Variants in CDC42BPA observed in about 807,000 individuals in gnomAD.
CDC42BPA encodes the protein CDC42 binding protein kinase alpha.
In CDC42BPA, 80 loss-of-function variants were observed where a neutral mutation model predicts 223.5. The ratio of observed to expected loss-of-function variants is 0.36; its 90% confidence interval spans 0.30 to 0.43. The LOEUF is 0.43. CDC42BPA is among the 20% of genes least tolerant of loss of function. The pLI is 1.00. For missense variants in CDC42BPA, 1,743 were observed against 2,099.9 expected (o/e 0.83, Z 3.32); for synonymous variants, 694 against 718.6 (o/e 0.97, Z 0.55).
At chr1:227,032,954 T>C (rs1669573790) in intron 27 of CDC42BPA, among the ~76,000 whole-genome samples, 1 of 152,254 alleles carries the variant, frequency 6.6e-6, no homozygotes, top group Non-Finnish European at 1.5e-5. Context: ...AGTTTTGGAA[T>C]GGCTGTTACA....
intron 27 of CDC42BPA, among the ~76,000 whole-genome samples, chr1:227,032,501 C>T (rs921550950): frequency 6.6e-6 from 1 of 152,044 alleles, no homozygotes; most frequent in Non-Finnish European, 1.5e-5. Context: ...TGGCAAGGGC[C>T]TCCAAAGACG....
rs16846779 is a variant in CDC42BPA, at chr1:226,994,973, G to A, written c.4983C>T (p.Ser1661=). 4.2e-3 allele frequency: 6,789 copies of A among 1,613,718 alleles called. 98 individuals are homozygous for A. The highest frequency in any genetic ancestry group is 0.037 in the East Asian group (1,678 of 44,866). ...TCTTTAATGCGCTGCCATTCTGTGC[G>A]GATGACCCTACAGTACATCATGCAG... ...SASSGLSARS[S]AQNGSALKRE... The change falls in exon 36 of 37, where the codon TCC becomes TCT. Residue 1661 remains serine, a synonymous_variant. Transcript: ENST00000366766. This position sits in a 1 kb window ranked among gnomAD's most constrained non-coding sequence, Gnocchi z 4.0.
chr1:227,238,348 A>AAAAC (rs111842198), intron 2 of CDC42BPA, among the ~76,000 whole-genome samples: 31,366 of 151,236 alleles, frequency 0.21, 3,637 homozygotes, highest in African/African-American at 0.28. Flanking sequence ...TCTCATTAAA[A>AAAAC]AAACAAACAA....
At chr1:227,089,696 A>G (rs11799444) in intron 16 of CDC42BPA, among the ~76,000 whole-genome samples, 41,669 of 147,948 alleles carry the variant, frequency 0.28, 6,055 homozygotes, top group African/African-American at 0.34. Context: ...GCTTCATTAC[A>G]TATACTAGGC....
intron 6 of CDC42BPA, among the ~76,000 whole-genome samples, chr1:227,153,633 C>A (rs1308092170): frequency 6.6e-6 from 1 of 151,814 alleles, no homozygotes; most frequent in Non-Finnish European, 1.5e-5. Context: ...CAATTGAAAA[C>A]TCAGAGAAAA....
chr1:227,033,771 T>C (rs1669746267), intron 26 of CDC42BPA, among the ~76,000 whole-genome samples: 1 of 152,186 alleles, frequency 6.6e-6, no homozygotes, highest in Admixed American at 6.5e-5. Flanking sequence ...ACCCAGCTCA[T>C]GTTATATTTT....
At chr1:227,218,004 T>C (rs1414425914) in intron 2 of CDC42BPA, among the ~76,000 whole-genome samples, 3 of 152,108 alleles carry the variant, frequency 2.0e-5, no homozygotes, top group Non-Finnish European at 4.4e-5. Context: ...GGGCAGGGAT[T>C]TTTTTTTCCT....
intron 6 of CDC42BPA, among the ~76,000 whole-genome samples, chr1:227,156,137 AT>A (rs1662717318): frequency 9.3e-5 from 7 of 75,074 alleles, no homozygotes; most frequent in Non-Finnish European, 1.4e-4. Flanking sequence ...TTTTGTTTTT[AT>A]TTATTTTTAT....
At chr1:227,180,534 T>C (rs1667759225) in intron 5 of CDC42BPA, 1 of 152,176 alleles carries the variant, frequency 6.6e-6, no homozygotes, top group African/African-American at 2.4e-5. Context: ...GTGTGCAACA[T>C]TGTTTAAATG....
At chr1:227,048,299 T>C (rs1044090799) in intron 22 of CDC42BPA, among the ~76,000 whole-genome samples, 1 of 151,984 alleles carries the variant, frequency 6.6e-6, no homozygotes, top group Non-Finnish European at 1.5e-5. Flanking sequence ...AAAAAAGCCA[T>C]AGCATGTGGC....
chr1:227,011,651 T>G (rs1665234955), intron 34 of CDC42BPA, among the ~76,000 whole-genome samples: 1 of 152,214 alleles, frequency 6.6e-6, no homozygotes, highest in Non-Finnish European at 1.5e-5. Context: ...AGAACATGTT[T>G]GTTTTCTTAA....
At chr1:227,083,456 C>T (rs1681140572) in intron 16 of CDC42BPA, among the ~76,000 whole-genome samples, 1 of 152,134 alleles carries the variant, frequency 6.6e-6, no homozygotes, top group South Asian at 2.1e-4. Context: ...TTGAACAAAT[C>T]ACACGATTAA....
chr1:227,047,682 T>C (rs1022912974), intron 23 of CDC42BPA, among the ~76,000 whole-genome samples: 1 of 152,180 alleles, frequency 6.6e-6, no homozygotes, highest in African/African-American at 2.4e-5. Flanking sequence ...CATATACTGC[T>C]TAGAGGAAGT....
chr1:227,135,513 C>A (rs905998356), intron 10 of CDC42BPA, among the ~76,000 whole-genome samples: 5 of 152,012 alleles, frequency 3.3e-5, no homozygotes, highest in African/African-American at 1.2e-4. Context: ...CTATCCAGCT[C>A]CCGATTCTGG....
Position 227,029,131 on chromosome 1 carries a change from A to T in CDC42BPA, c.3958T>A (p.Leu1320Met), listed in dbSNP as rs754539454. 1.2e-6 allele frequency: 2 copies of T among 1,610,642 alleles called. No individual in the cohort carries two copies. The highest frequency in any genetic ancestry group is 4.5e-5 in the East Asian group (2 of 44,890). The change falls in exon 30 of 37, where the codon TTG (leucine) becomes ATG (methionine). Residue 1320 changes from leucine to methionine, a missense_variant. Physicochemically the swap from Leu to Met is conservative, Grantham distance 15 (BLOSUM62 2). This residue lies in a region of CDC42BPA where 678 missense variants were observed against 777.5 expected (regional missense o/e 0.87). Transcript: ENST00000366766. The stretch of plus-strand genomic sequence containing the variant: ...TAAAAATCGGTCTCTCGCCCATCCA[A>T]TGCTGACATAGGAAAAAGTCGTACA... ...RHVRLFPMSA[L>M]DGRETDFYKL...
chr1:227,160,901 T>C (rs1361820375), intron 5 of CDC42BPA, among the ~76,000 whole-genome samples: 1 of 152,216 alleles, frequency 6.6e-6, no homozygotes, highest in East Asian at 1.9e-4. Context: ...ATCTTTCCTT[T>C]TGATTTACAC....
intron 17 of CDC42BPA, among the ~76,000 whole-genome samples, chr1:227,076,350 G>A (rs1679473779): frequency 6.6e-6 from 1 of 152,134 alleles, no homozygotes; most frequent in Non-Finnish European, 1.5e-5. Context: ...TCCGTCTCCT[G>A]GGTTCAAGCA....
At chr1:227,167,668 T>C (rs1346497846) in intron 5 of CDC42BPA, among the ~76,000 whole-genome samples, 3 of 152,202 alleles carry the variant, frequency 2.0e-5, no homozygotes, top group Non-Finnish European at 4.4e-5. Flanking sequence ...TTCAGGTTAG[T>C]TGGTTGCCCT....
intron 23 of CDC42BPA, among the ~76,000 whole-genome samples, chr1:227,045,143 G>A (rs553801233): frequency 1.3e-5 from 2 of 152,058 alleles, no homozygotes; most frequent in Admixed American, 6.5e-5. Flanking sequence ...TCCTTGTTCT[G>A]GTAGAACTAA....
Sources: gnomAD v4.1 joint callset for allele counts (sites outside exome capture counted in the v4.1 genomes callset) on GRCh38, gnomAD v4.1.1 for gene constraint, gnomAD v4.1.1 regional missense constraint, Gnocchi (gnomAD v3.1) non-coding constraint, MANE v1.5 for transcripts, NCBI Gene and HGNC (gene_info 2026-07-23, HGNC 2026-07-21) for gene names.